Variants in ZNG1A observed in about 807,000 individuals in gnomAD.
ZNG1A encodes Zn regulated GTPase metalloprotein activator 1A.
At chr9:163,929 A>C in the ZNG1A span, 2 of 1,277,006 alleles carry the variant, frequency 1.6e-6, no homozygotes, top group South Asian at 1.4e-5. Flanking sequence ...CTGTCTCAGA[A>C]AAAAAAAAAA....
chr9:172,344 A>T, the ZNG1A span: 1 of 674,018 alleles, frequency 1.5e-6, no homozygotes, highest in Non-Finnish European at 2.5e-6. Context: ...TTTACCAGTG[A>T]GAAAACAATA....
the ZNG1A span, chr9:162,546 A>G: frequency 3.9e-6 from 6 of 1,519,192 alleles, no homozygotes; most frequent in Non-Finnish European, 5.4e-6. Context: ...CTTCAAAATG[A>G]AAATTAAAAC....
At chr9:160,984 C>T in the ZNG1A span, among the ~76,000 whole-genome samples, 1 of 150,542 alleles carries the variant, frequency 6.6e-6, no homozygotes, top group African/African-American at 2.5e-5. Context: ...AAATTATATT[C>T]ATAAATTCAT....
chr9:156,855 G>C, the ZNG1A span, among the ~76,000 whole-genome samples: 1 of 152,174 alleles, frequency 6.6e-6, no homozygotes, highest in South Asian at 2.1e-4. Context: ...TTACAGTTCA[G>C]ATTTTAGGTA....
chr9:160,270 T>G, the ZNG1A span: 2 of 439,930 alleles, frequency 4.5e-6, no homozygotes, highest in African/African-American at 4.0e-5. Flanking sequence ...TCAGCTTTAC[T>G]TGTGATGGGC....
At chr9:160,278 G>C in the ZNG1A span, 1 of 428,286 alleles carries the variant, frequency 2.3e-6, no homozygotes, top group Admixed American at 2.5e-5. Context: ...ACTTGTGATG[G>C]GCTGGCTCTG....
At chr9:155,978 A>T in the ZNG1A span, among the ~76,000 whole-genome samples, 100 of 150,798 alleles carry the variant, frequency 6.6e-4, 6 homozygotes, top group Admixed American at 3.3e-4. Context: ...AAAATAAAAA[A>T]AAAATGCAAA....
At chr9:141,825 CA>C in the ZNG1A span, among the ~76,000 whole-genome samples, 1 of 152,092 alleles carries the variant, frequency 6.6e-6, no homozygotes, top group Non-Finnish European at 1.5e-5. Flanking sequence ...CACACAGGCT[CA>C]AAATAAAGGG....
chr9:162,478 G>T, the ZNG1A span: 3 of 1,528,244 alleles, frequency 2.0e-6, no homozygotes, highest in Non-Finnish European at 2.7e-6. Flanking sequence ...ACCTACAAAG[G>T]AAAAAACATT....
At chr9:159,489 C>A in the ZNG1A span, among the ~76,000 whole-genome samples, 1 of 152,296 alleles carries the variant, frequency 6.6e-6, no homozygotes, top group East Asian at 1.9e-4. Flanking sequence ...TTAACTAGCT[C>A]GATTGTTTTA....
chr9:129,632 A>C, the ZNG1A span, among the ~76,000 whole-genome samples: 2 of 150,012 alleles, frequency 1.3e-5, no homozygotes, highest in Non-Finnish European at 2.9e-5. Flanking sequence ...ATCAAATCAG[A>C]AAGTAAAACG....
chr9:130,198 T>C, the ZNG1A span, among the ~76,000 whole-genome samples: 1 of 149,500 alleles, frequency 6.7e-6, no homozygotes, highest in Admixed American at 6.6e-5. Context: ...GTAATAATAA[T>C]ATGCATTTTT....
At chr9:155,167 A>C in the ZNG1A span, among the ~76,000 whole-genome samples, 2 of 151,828 alleles carry the variant, frequency 1.3e-5, no homozygotes. Context: ...CATAAAATTC[A>C]GATATCCAAT....
At chr9:155,213 C>T in the ZNG1A span, among the ~76,000 whole-genome samples, 21 of 151,260 alleles carry the variant, frequency 1.4e-4, no homozygotes, top group Non-Finnish European at 5.9e-5. Context: ...TACTAAAATA[C>T]TGTAATATTT....
At chr9:170,684 C>T in the ZNG1A span, among the ~76,000 whole-genome samples, 4 of 143,712 alleles carry the variant, frequency 2.8e-5, no homozygotes, top group Non-Finnish European at 6.0e-5. Context: ...CCATGCCCAG[C>T]CCCTACTTGT....
the ZNG1A span, among the ~76,000 whole-genome samples, chr9:142,189 G>A: frequency 6.8e-6 from 1 of 147,918 alleles, no homozygotes; most frequent in African/African-American, 2.6e-5. Flanking sequence ...GCACCAAGCA[G>A]ACCTAATAGA....
the ZNG1A span, chr9:146,163 A>C: frequency 6.3e-7 from 1 of 1,576,574 alleles, no homozygotes; most frequent in East Asian, 2.2e-5. Context: ...TCAACTCTAA[A>C]AGGAAGAAAA....
the ZNG1A span, among the ~76,000 whole-genome samples, chr9:139,673 T>C: frequency 1.1e-4 from 17 of 151,816 alleles, no homozygotes; most frequent in African/African-American, 3.9e-4. Context: ...GATGGCCAAA[T>C]AGGAACAGCT....
the ZNG1A span, chr9:172,084 G>C: frequency 6.2e-7 from 1 of 1,610,672 alleles, no homozygotes; most frequent in Non-Finnish European, 8.5e-7. Flanking sequence ...TTCTTACCAG[G>C]GTCTGCTAAT....
Sources: gnomAD v4.1 joint callset for allele counts (sites outside exome capture counted in the v4.1 genomes callset) on GRCh38, gnomAD v4.1.1 for gene constraint, MANE v1.5 for transcripts, NCBI Gene and HGNC (gene_info 2026-07-23, HGNC 2026-07-21) for gene names.